MLXIP: variants seen among roughly 807,000 people sequenced by gnomAD.
MLXIP encodes the protein MLX interacting protein.
In MLXIP, 30 loss-of-function variants were observed where a neutral mutation model predicts 87.2. The ratio of observed to expected loss-of-function variants is 0.34; its 90% CI spans 0.26 to 0.47. The LOEUF is 0.47. Among genes scored for constraint, MLXIP ranks in the 20% least tolerant of loss-of-function variants. The pLI, the probability that MLXIP is intolerant of heterozygous loss-of-function variation, is 1.00. For missense variants in MLXIP, 1,002 were observed against 1,240.1 expected (o/e 0.81, Z 2.88); for synonymous variants, 530 against 514.0 (o/e 1.03, Z -0.42).
chr12:122,079,336 A>G, intron 1 of MLXIP, 70 bp downstream of exon 1: 5 of 1,402,568 alleles, frequency 3.6e-6, no homozygotes, highest in South Asian at 2.5e-5. Flanking sequence ...CGTGGAGGGA[A>G]GGGCCGCCTG....
At chr12:122,105,350 C>T (rs553875875) in intron 1 of MLXIP, among the ~76,000 whole-genome samples, 206 of 151,696 alleles carry the variant, frequency 1.4e-3, no homozygotes, top group South Asian at 5.6e-3. Context: ...AGATTTTTCA[C>T]GGGTTTTTTT....
At chr12:122,097,859 A>C (rs1167396762) in intron 1 of MLXIP, among the ~76,000 whole-genome samples, 2 of 142,236 alleles carry the variant, frequency 1.4e-5, no homozygotes, top group East Asian at 2.2e-4. Flanking sequence ...CCCTCCCCAC[A>C]AGAAACCTTG....
rs781464704 is a variant in MLXIP, at chr12:122,132,351, C to G, written c.1060C>G (p.Pro354Ala). ...GSMLPASASA[P>A]VPDPNNPPAQ... ...CATGCTACCTGCATCTGCCTCAGCA[C>G]CTGTACCAGATCCCAACAACCCACC... The change falls in exon 8 of 17, where the codon CCT (proline) becomes GCT (alanine). Residue 354 changes from proline to alanine, a missense_variant. Physicochemically the swap from Pro to Ala is conservative, Grantham distance 27 (BLOSUM62 -1). Transcript: ENST00000319080. The G allele has an allele frequency of 1.9e-6, 3 of 1,613,162 alleles. No homozygotes were observed. The highest frequency in any genetic ancestry group is 2.5e-6 in the Non-Finnish European group (3 of 1,179,560).
In MLXIP at chr12:122,135,388, C is replaced by T. The variant is rs768545834; in HGVS notation, c.1854+43C>T. Reference sequence around the variant, plus strand: ...CAGACCTGCAGTGTCCTTCTCACCCCGGAGCACTCTGATCTTGGGCGGCCC... The same window carrying T: ...CAGACCTGCAGTGTCCTTCTCACCCTGGAGCACTCTGATCTTGGGCGGCCC... On this transcript the variant is annotated intron_variant, in intron 10 of 16. Coordinates refer to ENST00000319080, the MANE Select transcript of MLXIP (RefSeq NM_014938.6). This position sits in a 1 kb window ranked among gnomAD's most constrained non-coding sequence, Gnocchi z 5.3. 1.4e-5 allele frequency: 22 copies of T among 1,601,186 alleles called. No homozygotes were observed. The highest frequency in any genetic ancestry group is 2.2e-5 in the East Asian group (1 of 44,796).
At chr12:122,122,408 G>C (rs766153989) in intron 1 of MLXIP, among the ~76,000 whole-genome samples, 5 of 152,146 alleles carry the variant, frequency 3.3e-5, no homozygotes, top group Non-Finnish European at 7.4e-5. Flanking sequence ...CTGTCACCCA[G>C]GCTGAGGTGC....
intron 6 of MLXIP, 62 bp from the exon 7 acceptor site, chr12:122,130,782 T>G: frequency 8.1e-7 from 1 of 1,232,624 alleles, no homozygotes; most frequent in Non-Finnish European, 1.2e-6. Flanking sequence ...CCAGGCCTTT[T>G]TTACGTTCCT....
In MLXIP at chr12:122,078,756, A is replaced by T; in HGVS notation, c.-98A>T. 1.0e-6 allele frequency: 1 copy of T among 965,330 alleles called. No homozygotes were observed. The highest frequency in any genetic ancestry group is 1.0e-4 in the East Asian group (1 of 9,590). 59.8% of individuals were successfully genotyped at this position (965,330 alleles called of 1,614,324 possible). ...CCCGCCGCGCCGCGCGCTCGCGGAC[A>T]GTCGGCGCGCGGGCCGGGCCGGGCC... On this transcript the variant is annotated 5_prime_UTR_variant, in exon 1 of 17. Coordinates refer to ENST00000319080, the MANE Select transcript of MLXIP (RefSeq NM_014938.6).
intron 1 of MLXIP, among the ~76,000 whole-genome samples, chr12:122,090,938 G>A (rs1353622082): frequency 6.6e-6 from 1 of 152,144 alleles, no homozygotes; most frequent in African/African-American, 2.4e-5. Context: ...AAGCAGAGCA[G>A]TGGCTGCCAA....
intron 1 of MLXIP, among the ~76,000 whole-genome samples, chr12:122,125,361 ATAACT>A (rs1016278336): frequency 2.6e-5 from 4 of 152,218 alleles, no homozygotes; most frequent in African/African-American, 7.2e-5. Context: ...CCTTTCAGTA[ATAACT>A]TAACCCTAGA....
intron 4 of MLXIP, 35 bp from the exon 5 acceptor site, chr12:122,129,553 T>C (rs1593106767): frequency 5.0e-6 from 8 of 1,611,758 alleles, no homozygotes; most frequent in East Asian, 2.2e-5. Flanking sequence ...CCTAGGGCCA[T>C]TGGTGACCGC....
intron 1 of MLXIP, among the ~76,000 whole-genome samples, chr12:122,110,816 G>C (rs977254511): frequency 5.3e-5 from 8 of 151,788 alleles, no homozygotes; most frequent in South Asian, 2.1e-4. Flanking sequence ...AGTGGCTCAC[G>C]CCTGTAATCC....
chr12:122,133,606 C>A lies in MLXIP; in HGVS notation c.1351C>A (p.Pro451Thr). Reference protein sequence around the residue: ...PAPPPISPVLPLVPPPATALN... With the variant: ...PAPPPISPVLTLVPPPATALN... ...CCCACCGCCCATCTCCCCCGTGTTACCATTAGTTCCTCCTCCTGCCACTGC... is the reference window on the plus strand; with the variant it reads ...CCCACCGCCCATCTCCCCCGTGTTAACATTAGTTCCTCCTCCTGCCACTGC... The change falls in exon 9 of 17, where the codon CCA becomes ACA. Residue 451 changes from proline to threonine, a missense_variant. Around this residue, in one of 3 missense-constraint regions of MLXIP, gnomAD observed 746 missense variants for 897.0 expected, o/e 0.83. Coordinates refer to ENST00000319080, the MANE Select transcript of MLXIP (RefSeq NM_014938.6). This position sits in a 1 kb window ranked among gnomAD's most constrained non-coding sequence, Gnocchi z 4.9. 6.2e-7 allele frequency: 1 copy of A among 1,610,430 alleles called. No homozygotes were observed. Among genetic ancestry groups the A allele is most frequent in the African/African-American group, 1.3e-5 (1 of 74,778 alleles).
intron 14 of MLXIP, 63 bp from the exon 15 acceptor site, chr12:122,138,752 T>C: frequency 6.3e-7 from 1 of 1,585,574 alleles, no homozygotes; most frequent in Admixed American, 1.8e-5. Flanking sequence ...CTGCCATCTT[T>C]TGTCCCAGGG....
intron 1 of MLXIP, among the ~76,000 whole-genome samples, chr12:122,092,724 T>G (rs1247253641): frequency 6.6e-6 from 1 of 152,164 alleles, no homozygotes; most frequent in Non-Finnish European, 1.5e-5. Context: ...TAGGGTAATT[T>G]TGGGATGGGG....
chr12:122,094,938 TTG>T (rs1198844912), intron 1 of MLXIP, among the ~76,000 whole-genome samples: 6 of 138,058 alleles, frequency 4.3e-5, no homozygotes, highest in African/African-American at 1.4e-4. Context: ...TGGTGTGTGA[TTG>T]TGTGGTGTAT....
chr12:122,135,101 C>A lies in MLXIP; in HGVS notation c.1733-123C>A. ...CAAATGGTTTTAGGTGCCTTGGTGG[C>A]TTTGTCTTCCTGTCCCCTGGGGTTG... On this transcript the variant is annotated intron_variant, in intron 9 of 16. Transcript: ENST00000319080. This position sits in a 1 kb window ranked among gnomAD's most constrained non-coding sequence, Gnocchi z 5.3. 1 of 1,266,702 alleles carries A rather than the reference C, an allele frequency of 7.9e-7. No homozygotes were observed. The highest frequency in any genetic ancestry group is 1.1e-6 in the Non-Finnish European group (1 of 895,124). The allele number at this position is 1,266,702 out of a possible 1,614,324, so 78.5% of individuals were successfully genotyped here.
At position 122,131,018 on chromosome 12, in the gene MLXIP, C is replaced by G. The variant is rs1010632922; in HGVS notation, c.1000+85C>G. ...CAGATCGCTGCCTTCCTTTAAGAGG[C>G]GAGACTTGGTAGAATGGGCAAGGGG... On this transcript the variant is annotated intron_variant, in intron 7 of 16. Transcript: ENST00000319080. 1.6e-5 allele frequency: 15 copies of G among 910,032 alleles called. No individual in the cohort carries two copies. In the Middle Eastern group the frequency reaches 6.7e-4, roughly 40 times the overall value. 56.4% of individuals were successfully genotyped at this position (910,032 alleles called of 1,614,324 possible).
chr12:122,079,300 C>G, intron 1 of MLXIP, 34 bp downstream of exon 1: 1 of 1,535,118 alleles, frequency 6.5e-7, no homozygotes, highest in Non-Finnish European at 8.8e-7. Context: ...AGGCCCCGGC[C>G]GGAGGCCCTT....
At chr12:122,079,298 G>T in intron 1 of MLXIP, 32 bp downstream of exon 1, 4 of 1,536,880 alleles carry the variant, frequency 2.6e-6, no homozygotes, top group Non-Finnish European at 3.5e-6. Context: ...TGAGGCCCCG[G>T]CCGGAGGCCC....
Sources: gnomAD v4.1 joint callset for allele counts (sites outside exome capture counted in the v4.1 genomes callset) on GRCh38, gnomAD v4.1.1 for gene constraint, gnomAD v4.1.1 regional missense constraint, Gnocchi (gnomAD v3.1) non-coding constraint, MANE v1.5 for transcripts, NCBI Gene and HGNC (gene_info 2026-07-23, HGNC 2026-07-21) for gene names.